The following RASGRF2 variants were observed in gnomAD, a reference collection of about 807,000 sequenced individuals.
RASGRF2 encodes the protein ras-specific guanine nucleotide-releasing factor 2.
In RASGRF2, 76 loss-of-function variants were observed where a neutral mutation model predicts 151.0. The ratio of observed to expected loss-of-function variants is 0.50; its 90% CI spans 0.42 to 0.61. RASGRF2 has a LOEUF of 0.61. Among genes scored for constraint, RASGRF2 ranks in the 20% least tolerant of loss-of-function variants. RASGRF2 has a pLI of 0.00. For synonymous variants in RASGRF2, 504 were observed against 566.5 expected, an observed-to-expected ratio of 0.89 and a Z score of 1.57; for missense variants, 1,148 against 1,564.6, an observed-to-expected ratio of 0.73 and a Z score of 4.49.
At chr5:81,019,048 A>C (rs960107397) in intron 1 of RASGRF2, among the ~76,000 whole-genome samples, 3 of 151,778 alleles carry the variant, frequency 2.0e-5, no homozygotes, top group Non-Finnish European at 4.4e-5. Context: ...GATCCCCCCA[A>C]CCTCGGCCTC....
intron 12 of RASGRF2, among the ~76,000 whole-genome samples, chr5:81,098,168 G>A (rs1320042539): frequency 6.6e-6 from 1 of 152,186 alleles, no homozygotes; most frequent in African/African-American, 2.4e-5. Flanking sequence ...GTAAAAGGGT[G>A]AAGGATGACC....
chr5:81,006,633 C>A (rs1749278162), intron 1 of RASGRF2, among the ~76,000 whole-genome samples: 1 of 152,102 alleles, frequency 6.6e-6, no homozygotes, highest in African/African-American at 2.4e-5. Flanking sequence ...AGCTGATGCC[C>A]CGAACTATGG....
At chr5:81,056,576 G>A (rs1751220851) in intron 2 of RASGRF2, among the ~76,000 whole-genome samples, 2 of 152,128 alleles carry the variant, frequency 1.3e-5, no homozygotes, top group Admixed American at 1.3e-4. Context: ...AATAAGTGCG[G>A]TGTGGTGCTG....
At chr5:81,005,153 G>GT (rs1449430570) in intron 1 of RASGRF2, among the ~76,000 whole-genome samples, 1 of 152,114 alleles carries the variant, frequency 6.6e-6, no homozygotes, top group Non-Finnish European at 1.5e-5. Context: ...TAACATTAGT[G>GT]TATTATTCTA....
In RASGRF2 at chr5:81,008,411, A is replaced by G. The variant is rs143295898; in HGVS notation, c.289-34466A>G. On this transcript the variant is annotated intron_variant, in intron 1 of 26. Transcript: ENST00000265080. ...AGTGATCCACCTGCTTCAGCCTCCCAAAGTGCTGGGATTACAGGCATGAGC... is the reference window on the plus strand; with the variant it reads ...AGTGATCCACCTGCTTCAGCCTCCCGAAGTGCTGGGATTACAGGCATGAGC... 5.3e-3 allele frequency among the ~76,000 whole-genome samples: 798 copies of G among 151,978 alleles called. 8 individuals carry two copies. Among genetic ancestry groups the G allele is most frequent in the African/African-American group, 0.018 (762 of 41,454 alleles).
At chr5:81,027,635 T>G (rs1173406585) in intron 1 of RASGRF2, among the ~76,000 whole-genome samples, 2 of 152,192 alleles carry the variant, frequency 1.3e-5, no homozygotes, top group Non-Finnish European at 2.9e-5. Flanking sequence ...GCTCAAAACA[T>G]TAGTGAAGGA....
intron 1 of RASGRF2, among the ~76,000 whole-genome samples, chr5:80,964,790 G>A (rs745931660): frequency 4.6e-5 from 7 of 152,116 alleles, no homozygotes; most frequent in Non-Finnish European, 8.8e-5. Flanking sequence ...TAAACAAGCA[G>A]TTTTACATGA....
chr5:81,128,735 G>A (rs1214095009), intron 17 of RASGRF2, among the ~76,000 whole-genome samples: 1 of 152,098 alleles, frequency 6.6e-6, no homozygotes, highest in African/African-American at 2.4e-5. Flanking sequence ...TCAGGGTAAA[G>A]AAAAAGTACT....
chr5:81,014,354 T>C (rs1436436074), intron 1 of RASGRF2, among the ~76,000 whole-genome samples: 1 of 152,174 alleles, frequency 6.6e-6, no homozygotes, highest in Non-Finnish European at 1.5e-5. Context: ...CTCACAATCA[T>C]GGCAGAAGGC....
At chr5:81,171,292 A>G (rs1345475982) in intron 17 of RASGRF2, among the ~76,000 whole-genome samples, 28 of 152,220 alleles carry the variant, frequency 1.8e-4, no homozygotes, top group Admixed American at 1.8e-3. Context: ...AGGATTTTGT[A>G]GAAAGAAATA....
intron 1 of RASGRF2, among the ~76,000 whole-genome samples, chr5:80,979,429 T>C (rs889086927): frequency 6.6e-6 from 1 of 152,230 alleles, no homozygotes; most frequent in Non-Finnish European, 1.5e-5. Context: ...GAGCTCCATA[T>C]GAAGGCACAA....
intron 17 of RASGRF2, among the ~76,000 whole-genome samples, chr5:81,160,424 AAAT>A (rs1561237394): frequency 2.0e-5 from 3 of 151,082 alleles, no homozygotes; most frequent in African/African-American, 4.9e-5. Context: ...GTCTCAAAAA[AAAT>A]AATAATAGCT....
chr5:81,180,694 A>G (rs1194780412), intron 18 of RASGRF2, among the ~76,000 whole-genome samples: 1 of 121,554 alleles, frequency 8.2e-6, no homozygotes, highest in Non-Finnish European at 1.7e-5. Context: ...CCAGCTAGAC[A>G]CAAACCTCAC....
intron 22 of RASGRF2, among the ~76,000 whole-genome samples, chr5:81,211,297 T>C (rs891638888): frequency 2.0e-5 from 3 of 152,118 alleles, no homozygotes; most frequent in African/African-American, 7.2e-5. Context: ...TTTACCTGTT[T>C]ATGTATCTGC....
At chr5:81,146,647 G>A (rs934294997) in intron 17 of RASGRF2, among the ~76,000 whole-genome samples, 4 of 152,126 alleles carry the variant, frequency 2.6e-5, no homozygotes, top group African/African-American at 9.7e-5. Flanking sequence ...ATAGAGAAGT[G>A]GGAATTCTAA....
chr5:80,976,524 A>G (rs931546647), intron 1 of RASGRF2, among the ~76,000 whole-genome samples: 1 of 152,338 alleles, frequency 6.6e-6, no homozygotes, highest in Middle Eastern at 3.4e-3. Flanking sequence ...ACTAGTATAC[A>G]TAACCTCTAT....
At chr5:81,144,940 T>A (rs1561230066) in intron 17 of RASGRF2, among the ~76,000 whole-genome samples, 1 of 151,978 alleles carries the variant, frequency 6.6e-6, no homozygotes, top group Non-Finnish European at 1.5e-5. Flanking sequence ...ACTTGATGTT[T>A]AAAAAATAAG....
At chr5:81,180,960 T>G (rs1356136082) in intron 18 of RASGRF2, among the ~76,000 whole-genome samples, 1 of 152,148 alleles carries the variant, frequency 6.6e-6, no homozygotes, top group African/African-American at 2.4e-5. Context: ...CATAATGCTT[T>G]TCTTACCCAC....
intron 1 of RASGRF2, 84 bp downstream of exon 1, chr5:80,961,110 G>C (rs1321860044): frequency 3.7e-6 from 5 of 1,369,370 alleles, no homozygotes; most frequent in African/African-American, 1.5e-5. Flanking sequence ...AGGGGTCGGG[G>C]GTCGTGAAAG....
Sources: gnomAD v4.1 joint callset for allele counts (sites outside exome capture counted in the v4.1 genomes callset) on GRCh38, gnomAD v4.1.1 for gene constraint, MANE v1.5 for transcripts, NCBI Gene and HGNC (gene_info 2026-07-23, HGNC 2026-07-21) for gene names.